Variants in MAPK10 observed in about 807,000 individuals in gnomAD.
MAPK10 encodes JNK3 alpha protein kinase.
Under a neutral mutation model 59.3 loss-of-function variants are expected in MAPK10, and 25 were observed. The observed-to-expected ratio is 0.42, with a 90% CI of 0.31 to 0.59. The LOEUF is 0.59. MAPK10 is among the 20% of genes least tolerant of loss of function. MAPK10 has a pLI of 0.15. For synonymous variants in MAPK10, 190 were observed against 200.5 expected (o/e 0.95, Z 0.44); for missense variants, 351 against 568.9 (o/e 0.62, Z 3.90).
At chr4:86,592,390 A>C (rs539740736) in intron 1 of MAPK10, among the ~76,000 whole-genome samples, 1 of 152,262 alleles carries the variant, frequency 6.6e-6, no homozygotes, top group East Asian at 1.9e-4. Flanking sequence ...AAGAAAAGGA[A>C]AAAAGCTAAC....
At chr4:86,207,478 C>T (rs188952216) in intron 2 of MAPK10, among the ~76,000 whole-genome samples, 8 of 152,144 alleles carry the variant, frequency 5.3e-5, no homozygotes, top group African/African-American at 1.4e-4. Context: ...AGTCAGGTAG[C>T]GTGATGCCTC....
intron 1 of MAPK10, among the ~76,000 whole-genome samples, chr4:86,422,132 T>G (rs1746615465): frequency 6.6e-6 from 1 of 152,202 alleles, no homozygotes; most frequent in South Asian, 2.1e-4. Flanking sequence ...ACTATTTTTT[T>G]TACATTATTT....
At chr4:86,171,558 C>A (rs980464372) in intron 3 of MAPK10, among the ~76,000 whole-genome samples, 1 of 152,120 alleles carries the variant, frequency 6.6e-6, no homozygotes, top group Admixed American at 6.5e-5. Flanking sequence ...CTCCATTACA[C>A]CTTATACAAA....
intron 1 of MAPK10, among the ~76,000 whole-genome samples, chr4:86,393,986 AGGGGCTGGGC>A: frequency 6.6e-6 from 1 of 152,200 alleles, no homozygotes; most frequent in East Asian, 1.9e-4. Flanking sequence ...AATAAGAAAT[AGGGGCTGGGC>A]GTGGTGGCTC....
intron 2 of MAPK10, among the ~76,000 whole-genome samples, chr4:86,286,275 T>C (rs1330433184): frequency 2.0e-5 from 3 of 152,194 alleles, no homozygotes; most frequent in African/African-American, 7.2e-5. Context: ...TGGGACATCA[T>C]TGGATTTCTA....
At chr4:86,450,577 C>A (rs1750583888) in intron 1 of MAPK10, among the ~76,000 whole-genome samples, 1 of 152,174 alleles carries the variant, frequency 6.6e-6, no homozygotes, top group Non-Finnish European at 1.5e-5. Context: ...TCGTCAGTTA[C>A]CCCTAGGGTA....
intron 2 of MAPK10, among the ~76,000 whole-genome samples, chr4:86,269,441 C>A (rs1486213623): frequency 6.6e-6 from 1 of 152,138 alleles, no homozygotes; most frequent in Non-Finnish European, 1.5e-5. Flanking sequence ...CCTCACCACA[C>A]TCCTTAAGTT....
At chr4:86,246,332 GAGGGAGGAGAAT>G (rs2093083958) in intron 2 of MAPK10, among the ~76,000 whole-genome samples, 1 of 152,130 alleles carries the variant, frequency 6.6e-6, no homozygotes, top group African/African-American at 2.4e-5. Flanking sequence ...TCGGGAGGCT[GAGGGAGGAGAAT>G]GGTGTGAACC....
At position 86,051,773 on chromosome 4, in the gene MAPK10, TTTG is replaced by T. The variant is rs377288150; in HGVS notation, c.1110+12490_1110+12492del. ...ATGTTTGGTTAATTTTCTGTGTGTT[TTTG>T]TTGTTGTTCATTTGATCGTCTCAAC... On this transcript the variant is annotated intron_variant, in intron 11 of 13. Transcript: ENST00000641462. Among the ~76,000 whole-genome samples the T allele has an allele frequency of 4.6e-5, 7 of 152,338 alleles. No homozygotes were observed. In the South Asian group the frequency reaches 1.2e-3, roughly 27 times the overall value.
intron 1 of MAPK10, among the ~76,000 whole-genome samples, chr4:86,407,322 T>C (rs567947526): frequency 6.6e-6 from 1 of 152,092 alleles, no homozygotes; most frequent in Non-Finnish European, 1.5e-5. Flanking sequence ...CCTGAGAAGA[T>C]GGGCAGAGGA....
In MAPK10 at chr4:86,571,264, A is replaced by AATAT. The variant is rs574137394; in HGVS notation, c.-263+22642_-263+22645dup. On this transcript the variant is annotated intron_variant, in intron 1 of 4. Transcript: ENST00000502302. The stretch of plus-strand genomic sequence containing the variant: ...TCTTTGCAATGATATCCAAAATTTA[A>AATAT]ATATATATATATATATTACTGGATA... Among the ~76,000 whole-genome samples the AATAT allele has an allele frequency of 2.4e-3, 341 of 144,360 alleles. 1 individual carries two copies. Among genetic ancestry groups the AATAT allele is most frequent in the African/African-American group, 8.4e-3 (330 of 39,320 alleles). The allele number at this position is 144,360 out of a possible 152,430, so 94.7% of individuals were successfully genotyped here. A position where few individuals can be genotyped will look rare whatever the true frequency, so the allele number is the denominator to read the frequency against.
intron 2 of MAPK10, among the ~76,000 whole-genome samples, chr4:86,211,185 A>C (rs756391092): frequency 6.6e-6 from 1 of 152,098 alleles, no homozygotes; most frequent in Non-Finnish European, 1.5e-5. Flanking sequence ...AATAATTGCC[A>C]AAACTTCCCA....
At chr4:86,546,712 T>C (rs2149097609) in intron 1 of MAPK10, among the ~76,000 whole-genome samples, 1 of 152,292 alleles carries the variant, frequency 6.6e-6, no homozygotes, top group South Asian at 2.1e-4. Context: ...TTGAATGGGT[T>C]CCATGCAGTG....
At chr4:86,573,958 G>A (rs1014521242) in intron 1 of MAPK10, among the ~76,000 whole-genome samples, 4 of 152,082 alleles carry the variant, frequency 2.6e-5, no homozygotes, top group African/African-American at 9.7e-5. Context: ...ACAATGTGCA[G>A]GTTAGTTACA....
intron 2 of MAPK10, among the ~76,000 whole-genome samples, chr4:86,294,440 T>G (rs1369069648): frequency 3.3e-5 from 5 of 152,190 alleles, no homozygotes; most frequent in Admixed American, 6.5e-5. Context: ...GAAAGGCTTT[T>G]TATTAGTTTG....
chr4:86,536,948 A>G (rs936752030), intron 1 of MAPK10, among the ~76,000 whole-genome samples: 1 of 152,162 alleles, frequency 6.6e-6, no homozygotes, highest in Non-Finnish European at 1.5e-5. Flanking sequence ...AGGGAAAGCC[A>G]TGGTGGTAAG....
intron 1 of MAPK10, among the ~76,000 whole-genome samples, chr4:86,475,279 C>G (rs561973510): frequency 1.3e-5 from 2 of 152,196 alleles, no homozygotes; most frequent in Non-Finnish European, 1.5e-5. Context: ...GATCAATCCC[C>G]TGTCCTCCTG....
intron 2 of MAPK10, among the ~76,000 whole-genome samples, chr4:86,236,756 T>C (rs1395647715): frequency 6.6e-6 from 1 of 151,946 alleles, no homozygotes; most frequent in Admixed American, 6.6e-5. Context: ...CCTGGTGAGA[T>C]AAGGATGTGA....
At chr4:86,236,658 T>C (rs2092260434) in intron 2 of MAPK10, among the ~76,000 whole-genome samples, 1 of 152,108 alleles carries the variant, frequency 6.6e-6, no homozygotes, top group Non-Finnish European at 1.5e-5. Flanking sequence ...CATCAAGCTA[T>C]TGTGACGGTT....
Sources: allele counts gnomAD v4.1 joint callset (sites outside exome capture counted in the v4.1 genomes callset), GRCh38; gene constraint gnomAD v4.1.1; transcripts MANE v1.5; gene names NCBI Gene and HGNC (gene_info 2026-07-23, HGNC 2026-07-21).